PDE4B: variants seen among roughly 807,000 people sequenced by gnomAD.
The protein encoded by PDE4B is phosphodiesterase 4B.
PDE4B carries 20 observed loss-of-function variants against 82.2 expected under a neutral mutation model. The ratio of observed to expected loss-of-function variants is 0.24; its 90% CI spans 0.17 to 0.35. The LOEUF (loss-of-function observed/expected upper bound fraction) is 0.35. PDE4B is among the 10% of genes least tolerant of loss of function. PDE4B has a pLI of 1.00. For synonymous variants in PDE4B, 320 were observed against 318.9 expected (o/e 1.00, Z -0.04); for missense variants, 655 against 907.2 (o/e 0.72, Z 3.57).
At chr1:66,196,252 A>G (rs1648286034) in intron 3 of PDE4B, among the ~76,000 whole-genome samples, 1 of 152,216 alleles carries the variant, frequency 6.6e-6, no homozygotes. Flanking sequence ...CACCTGTGCC[A>G]CAAACTAGAA....
At chr1:65,856,629 T>G (rs1314904103) in intron 1 of PDE4B, among the ~76,000 whole-genome samples, 1 of 152,234 alleles carries the variant, frequency 6.6e-6, no homozygotes, top group African/African-American at 2.4e-5. Context: ...TAAATAGTGC[T>G]GCAATAAACA....
At chr1:66,356,217 C>G (rs138357529) in intron 9 of PDE4B, among the ~76,000 whole-genome samples, 1 of 152,350 alleles carries the variant, frequency 6.6e-6, no homozygotes, top group East Asian at 1.9e-4. Flanking sequence ...CAGCCTCGTT[C>G]TCTTCCCAAT....
At chr1:65,989,178 G>A (rs1440063963) in intron 3 of PDE4B, among the ~76,000 whole-genome samples, 1 of 151,982 alleles carries the variant, frequency 6.6e-6, no homozygotes, top group Non-Finnish European at 1.5e-5. Context: ...TGCTTTGACA[G>A]GATGTGAATA....
intron 7 of PDE4B, among the ~76,000 whole-genome samples, chr1:66,299,694 T>G (rs1657752660): frequency 6.6e-6 from 1 of 152,204 alleles, no homozygotes; most frequent in African/African-American, 2.4e-5. Flanking sequence ...TTATAAGAGT[T>G]TGCTTTCCTC....
At chr1:66,234,874 A>G (rs928434450) in intron 3 of PDE4B, among the ~76,000 whole-genome samples, 1 of 151,224 alleles carries the variant, frequency 6.6e-6, no homozygotes, top group Non-Finnish European at 1.5e-5. Flanking sequence ...CATTTTTTCT[A>G]TTTTTTTAAT....
At chr1:66,320,329 G>C (rs1351386661) in intron 7 of PDE4B, among the ~76,000 whole-genome samples, 1 of 152,084 alleles carries the variant, frequency 6.6e-6, no homozygotes, top group Non-Finnish European at 1.5e-5. Flanking sequence ...CTCAGTGAGA[G>C]TTAAATATCC....
At chr1:66,251,640 A>C (rs554843572) in intron 4 of PDE4B, among the ~76,000 whole-genome samples, 1 of 152,306 alleles carries the variant, frequency 6.6e-6, no homozygotes, top group East Asian at 1.9e-4. Context: ...CTGGCCAGGC[A>C]GGAAAGCAGC....
intron 3 of PDE4B, among the ~76,000 whole-genome samples, chr1:65,944,298 C>T (rs1182627785): frequency 6.6e-6 from 1 of 151,664 alleles, no homozygotes; most frequent in African/African-American, 2.4e-5. Context: ...CCTTGCATCC[C>T]TGGGATAAAT....
intron 3 of PDE4B, among the ~76,000 whole-genome samples, chr1:66,118,822 T>G (rs1274157268): frequency 6.6e-6 from 1 of 152,178 alleles, no homozygotes; most frequent in East Asian, 1.9e-4. Context: ...GTGCCCTATT[T>G]TTTCTTTCTT....
chr1:66,163,931 A>C (rs916418999), intron 3 of PDE4B, among the ~76,000 whole-genome samples: 1 of 152,276 alleles, frequency 6.6e-6, no homozygotes, highest in African/African-American at 2.4e-5. Context: ...TGGACAGCCT[A>C]TGTGCATTTG....
chr1:66,227,340 C>G (rs2101621339), intron 3 of PDE4B, among the ~76,000 whole-genome samples: 1 of 152,294 alleles, frequency 6.6e-6, no homozygotes, highest in African/African-American at 2.4e-5. Flanking sequence ...TGATGCTTAA[C>G]AGCTCTGTGA....
At chr1:65,836,975 A>C (rs906960524) in intron 1 of PDE4B, among the ~76,000 whole-genome samples, 2 of 152,122 alleles carry the variant, frequency 1.3e-5, no homozygotes, top group African/African-American at 4.8e-5. Flanking sequence ...CAGGGAGAAG[A>C]CTTCCTTTTT....
intron 7 of PDE4B, among the ~76,000 whole-genome samples, chr1:66,307,987 A>G (rs2101856802): frequency 1.3e-5 from 2 of 152,236 alleles, no homozygotes; most frequent in East Asian, 3.9e-4. Flanking sequence ...TCCTTGTGAT[A>G]ATAGGAAAAA....
intron 3 of PDE4B, among the ~76,000 whole-genome samples, chr1:66,170,564 G>C (rs1318264250): frequency 1.3e-5 from 2 of 152,082 alleles, no homozygotes; most frequent in Non-Finnish European, 2.9e-5. Context: ...AGAAATAGAA[G>C]ATAATGAGCA....
At chr1:66,263,673 A>T (rs1192680832) in intron 6 of PDE4B, among the ~76,000 whole-genome samples, 3 of 152,166 alleles carry the variant, frequency 2.0e-5, no homozygotes, top group African/African-American at 7.2e-5. Flanking sequence ...TGAAGAAATG[A>T]CCCTAAAGGT....
At chr1:66,178,016 T>G (rs1646970651) in intron 3 of PDE4B, among the ~76,000 whole-genome samples, 1 of 150,730 alleles carries the variant, frequency 6.6e-6, no homozygotes, top group African/African-American at 2.5e-5. Context: ...AGCCTCACAA[T>G]GCCTACTATT....
At chr1:66,182,643 G>A (rs1170062191) in intron 3 of PDE4B, among the ~76,000 whole-genome samples, 1 of 152,134 alleles carries the variant, frequency 6.6e-6, no homozygotes, top group African/African-American at 2.4e-5. Context: ...TGGGAGAAAA[G>A]AATAAAACCT....
intron 3 of PDE4B, among the ~76,000 whole-genome samples, chr1:66,212,095 G>T (rs1214601455): frequency 6.6e-6 from 1 of 152,204 alleles, no homozygotes. Context: ...AAACTTGGAT[G>T]TGGACCTTAG....
At chr1:66,353,949 C>T (rs530798213) in intron 8 of PDE4B, among the ~76,000 whole-genome samples, 1 of 152,206 alleles carries the variant, frequency 6.6e-6, no homozygotes, top group African/African-American at 2.4e-5. Flanking sequence ...CGAATGCAAT[C>T]TAATATGCAT....
Sources: gnomAD v4.1 joint callset for allele counts (sites outside exome capture counted in the v4.1 genomes callset) on GRCh38, gnomAD v4.1.1 for gene constraint, MANE v1.5 for transcripts, NCBI Gene and HGNC (gene_info 2026-07-23, HGNC 2026-07-21) for gene names.